Variants in U2SURP observed in about 807,000 individuals in gnomAD.
U2SURP encodes the protein U2 snRNP-associated SURP motif-containing protein.
U2SURP carries 9 observed loss-of-function variants against 144.9 expected under a neutral mutation model. The observed-to-expected ratio is 0.06, with a 90% CI of 0.04 to 0.11. The LOEUF (loss-of-function observed/expected upper bound fraction) is 0.11, where lower values mean the gene tolerates loss of function less well. Among genes scored for constraint, U2SURP ranks in the 10% least tolerant of loss-of-function variants. U2SURP has a pLI of 1.00. For synonymous variants in U2SURP, 408 were observed against 396.8 expected (o/e 1.03, Z -0.33); for missense variants, 724 against 1,226.7 (o/e 0.59, Z 6.12).
intron 1 of U2SURP, among the ~76,000 whole-genome samples, chr3:143,003,434 A>G (rs537120540): frequency 1.0e-3 from 156 of 152,312 alleles, no homozygotes; most frequent in African/African-American, 3.5e-3. Context: ...TGGAGCCTCA[A>G]TTCCCTCATT....
rs1935241995 is a variant in U2SURP at position 143,058,303 on chromosome 3, C to G, written c.*1853C>G. Reference sequence around the variant, plus strand: ...GGTAATAATCTTTCCAGTCAAGTTGCAAGGGATGCTTATTTCTCTTCAAAA... The same window carrying G: ...GGTAATAATCTTTCCAGTCAAGTTGGAAGGGATGCTTATTTCTCTTCAAAA... On this transcript the variant is annotated 3_prime_UTR_variant, in exon 28 of 28. Coordinates refer to ENST00000473835, the MANE Select transcript of U2SURP (RefSeq NM_001080415.2). 6.6e-6 allele frequency: 1 copy of G among 151,800 alleles called. No homozygotes were observed. Among genetic ancestry groups the G allele is most frequent in the Non-Finnish European group, 1.5e-5 (1 of 67,802 alleles). The allele number at this position is 151,800 out of a possible 1,614,324, so 9.4% of individuals were successfully genotyped here. A position where few individuals can be genotyped will look rare whatever the true frequency, so the allele number is the denominator to read the frequency against.
chr3:143,049,876 C>T (rs1167241869), intron 24 of U2SURP, among the ~76,000 whole-genome samples: 1 of 152,242 alleles, frequency 6.6e-6, no homozygotes, highest in East Asian at 1.9e-4. Flanking sequence ...ACTGATTTTA[C>T]TAGTTTTTTC....
chr3:143,021,430 TTA>T (rs1420250123), intron 9 of U2SURP, 41 bp from the exon 10 acceptor site: 12 of 1,610,104 alleles, frequency 7.5e-6, no homozygotes, highest in Non-Finnish European at 1.0e-5. Flanking sequence ...TTTCCAAACT[TTA>T]TGTTTTGCAG....
At chr3:143,030,881 A>G (rs916932617) in intron 16 of U2SURP, among the ~76,000 whole-genome samples, 10 of 152,180 alleles carry the variant, frequency 6.6e-5, no homozygotes, top group African/African-American at 2.4e-4. Flanking sequence ...CCCCATTTCT[A>G]TTAAAAAGAA....
At position 143,056,666 on chromosome 3, in the gene U2SURP, A is replaced by T. The variant is rs542069458; in HGVS notation, c.*216A>T. The T allele has an allele frequency of 1.1e-4, 52 of 487,188 alleles. No individual in the cohort carries two copies. The highest frequency in any genetic ancestry group is 1.7e-4 in the Non-Finnish European group (48 of 280,134). The allele number at this position is 487,188 out of a possible 1,614,324, so 30.2% of individuals were successfully genotyped here. On this transcript the variant is annotated 3_prime_UTR_variant, in exon 28 of 28. Coordinates refer to ENST00000473835, the MANE Select transcript of U2SURP (RefSeq NM_001080415.2). ...ACTTTCATTGTGGCTATTTCTCAAGATGAAATTTTTATTGTTCTAATGGAT... is the reference window on the plus strand; with the variant it reads ...ACTTTCATTGTGGCTATTTCTCAAGTTGAAATTTTTATTGTTCTAATGGAT...
intron 12 of U2SURP, 89 bp downstream of exon 12, chr3:143,023,153 G>A (rs1225121169): frequency 3.8e-5 from 46 of 1,204,856 alleles, no homozygotes; most frequent in Non-Finnish European, 5.1e-5. Flanking sequence ...TATAGAAAAT[G>A]TGTGTGTAAT....
intron 24 of U2SURP, among the ~76,000 whole-genome samples, chr3:143,050,175 G>A (rs1934779375): frequency 6.6e-6 from 1 of 152,120 alleles, no homozygotes; most frequent in Non-Finnish European, 1.5e-5. Flanking sequence ...CCGGGTTCAA[G>A]CGATTCTCCT....
At chr3:143,023,092 C>T (rs371802901) in intron 12 of U2SURP, 28 bp downstream of exon 12, 3 of 1,526,920 alleles carry the variant, frequency 2.0e-6, no homozygotes, top group South Asian at 1.2e-5. Context: ...CATAAGGCCG[C>T]ATCTAATTTG....
rs777445272 is a variant in U2SURP, at chr3:143,021,489, A to C, written c.786A>C (p.Ala262=). ...CTGCCCTAGTTCTTGATGATTACGC[A>C]CCTGGCTCACATGATGTAGGAGATC... ...NRSSGVLDDY[A]PGSHDVGDPS... The change falls in exon 10 of 28, where the codon GCA becomes GCC. Residue 262 remains alanine (A), a synonymous_variant. Coordinates refer to ENST00000473835, the MANE Select transcript of U2SURP (RefSeq NM_001080415.2). 3 of 1,613,830 alleles carry C rather than the reference A, an allele frequency of 1.9e-6. No homozygotes were observed. The Admixed American group carries it at 5.0e-5, about 27-fold the overall frequency.
chr3:143,016,820 A>G, intron 5 of U2SURP, 22 bp from the exon 6 acceptor site: 2 of 1,505,088 alleles, frequency 1.3e-6, no homozygotes, highest in Non-Finnish European at 8.8e-7. Context: ...TTAGTTTTGA[A>G]ACTTAGTATT....
At chr3:143,012,383 A>T in intron 3 of U2SURP, 30 bp downstream of exon 3, 1 of 1,562,874 alleles carries the variant, frequency 6.4e-7, no homozygotes, top group Non-Finnish European at 8.7e-7. Context: ...GGTAAAGATA[A>T]GAAAGGATAG....
intron 24 of U2SURP, among the ~76,000 whole-genome samples, chr3:143,044,212 T>C (rs1934275644): frequency 6.6e-6 from 1 of 151,588 alleles, no homozygotes; most frequent in African/African-American, 2.4e-5. Context: ...TACTAAAAGA[T>C]GGGGAAATGT....
At chr3:143,030,977 A>G (rs6808689) in intron 16 of U2SURP, among the ~76,000 whole-genome samples, 103,781 of 152,124 alleles carry the variant, frequency 0.68, 35,696 homozygotes, top group African/African-American at 0.78. Context: ...TTAGTCCCTC[A>G]TAGATGACTT....
chr3:143,033,389 T>A (rs1301866896), intron 18 of U2SURP, 39 bp downstream of exon 18: 2 of 1,104,136 alleles, frequency 1.8e-6, no homozygotes, highest in Non-Finnish European at 2.7e-6. Context: ...TGAAATAAAG[T>A]ATTTAAGGGT....
rs1322511290 is a variant in U2SURP at position 143,060,597 on chromosome 3, A to G, written c.*4147A>G. On this transcript the variant is annotated 3_prime_UTR_variant, in exon 28 of 28. Transcript: ENST00000473835. ...CATATTGTTTTTCCGATGCAAGCCC[A>G]GTTAATAATTAGTTTTTTAGCAGCT... 6.6e-6 allele frequency: 1 copy of G among 151,974 alleles called. No individual in the cohort carries two copies. The highest frequency in any genetic ancestry group is 1.5e-5 in the Non-Finnish European group (1 of 67,868). 9.4% of individuals were successfully genotyped at this position (151,974 alleles called of 1,614,324 possible). A position where few individuals can be genotyped will look rare whatever the true frequency, so the allele number is the denominator to read the frequency against.
chr3:143,008,411 G>A (rs62276902), intron 1 of U2SURP, among the ~76,000 whole-genome samples: 26,203 of 152,262 alleles, frequency 0.17, 2,863 homozygotes, highest in Non-Finnish European at 0.24. Context: ...TCTTTTGGAT[G>A]CTTATTCTTT....
rs1156694743 is a variant in U2SURP at position 143,057,463 on chromosome 3, G to GT, written c.*1018dup. ...TTTAAGTAAAATTTAAAAATAAAAT[G>GT]TTTTTCAGGAAACTTCGTATCTAAT... On this transcript the variant is annotated 3_prime_UTR_variant, in exon 28 of 28. Coordinates refer to ENST00000473835, the MANE Select transcript of U2SURP (RefSeq NM_001080415.2). 2.0e-5 allele frequency: 3 copies of GT among 151,650 alleles called. No individual in the cohort carries two copies. The highest frequency in any genetic ancestry group is 4.4e-5 in the Non-Finnish European group (3 of 67,708). 9.4% of individuals were successfully genotyped at this position (151,650 alleles called of 1,614,324 possible).
intron 6 of U2SURP, among the ~76,000 whole-genome samples, chr3:143,018,164 A>G (rs995028130): frequency 6.6e-6 from 1 of 152,188 alleles, no homozygotes. Context: ...TATCACCCTA[A>G]AAAGAAATCC....
chr3:143,002,141 G>A, intron 1 of U2SURP: 1 of 224,044 alleles, frequency 4.5e-6, no homozygotes, highest in Non-Finnish European at 8.9e-6. Context: ...AACCTCTAGG[G>A]TCGCCAGCTG....
Sources: gnomAD v4.1 joint callset for allele counts (sites outside exome capture counted in the v4.1 genomes callset) on GRCh38, gnomAD v4.1.1 for gene constraint, MANE v1.5 for transcripts, NCBI Gene and HGNC (gene_info 2026-07-23, HGNC 2026-07-21) for gene names.